Variants in KAT6A observed in about 807,000 individuals in gnomAD.
KAT6A encodes lysine acetyltransferase 6A.
KAT6A carries 9 observed loss-of-function variants against 198.4 expected under a neutral mutation model. That is an observed-to-expected ratio of 0.05 (90% CI 0.03 to 0.08). The LOEUF (loss-of-function observed/expected upper bound fraction) is 0.08, where lower values mean the gene tolerates loss of function less well. Ranked by LOEUF, KAT6A falls within the 10% of genes least tolerant of loss-of-function variation. KAT6A has a pLI of 1.00. For synonymous variants in KAT6A, 890 were observed against 883.0 expected, an observed-to-expected ratio of 1.01 and a Z score of -0.14; for missense variants, 2,077 against 2,509.9, an observed-to-expected ratio of 0.83 and a Z score of 3.69.
At chr8:42,041,697 C>T (rs1827677147) in intron 2 of KAT6A, among the ~76,000 whole-genome samples, 1 of 151,292 alleles carries the variant, frequency 6.6e-6, no homozygotes, top group South Asian at 2.1e-4. Flanking sequence ...GAAACTGGGC[C>T]ACCGCACTCC....
intron 2 of KAT6A, among the ~76,000 whole-genome samples, chr8:42,044,695 G>C (rs924953785): frequency 1.3e-5 from 2 of 152,124 alleles, no homozygotes; most frequent in Non-Finnish European, 2.9e-5. Flanking sequence ...CCTTACAGTT[G>C]GCCAGGTCAA....
intron 12 of KAT6A, 38 bp downstream of exon 12, chr8:41,946,553 A>G: frequency 9.8e-7 from 1 of 1,023,726 alleles, no homozygotes; most frequent in East Asian, 2.4e-5. Flanking sequence ...GAGAAGGTCC[A>G]CTGGAAAAGA....
chr8:41,971,721 T>C (rs1171154436), intron 8 of KAT6A, among the ~76,000 whole-genome samples: 1 of 151,766 alleles, frequency 6.6e-6, no homozygotes, highest in Admixed American at 6.6e-5. Context: ...GGCCGCTGTA[T>C]GAAGAAAATA....
intron 2 of KAT6A, among the ~76,000 whole-genome samples, chr8:42,000,887 A>G (rs1825464773): frequency 6.6e-6 from 1 of 152,234 alleles, no homozygotes; most frequent in Non-Finnish European, 1.5e-5. Context: ...GTAAAGTGAC[A>G]AAAGTGACAT....
chr8:42,004,135 A>G (rs997468570), intron 2 of KAT6A, among the ~76,000 whole-genome samples: 3 of 152,216 alleles, frequency 2.0e-5, no homozygotes, highest in African/African-American at 7.2e-5. Flanking sequence ...TGCTAGAGAA[A>G]CAAATATATA....
Position 42,050,603 on chromosome 8 carries a change from C to G in KAT6A, c.-326+1298G>C. On this transcript the variant is annotated intron_variant, in intron 1 of 16. Coordinates refer to ENST00000265713, the MANE Select transcript of KAT6A (RefSeq NM_006766.5). ...GAGCCAAGATTTGTTTTTAAATCAG[C>G]TGCCTAAAAAGAAGCCCCCTGGGAG... Among the ~76,000 whole-genome samples, 2 of 152,146 alleles carry G rather than the reference C, an allele frequency of 1.3e-5. 1 individual carries two copies. The highest frequency in any genetic ancestry group is 1.3e-4 in the Admixed American group (2 of 15,280).
chr8:42,050,128 T>C (rs896224062), intron 1 of KAT6A, among the ~76,000 whole-genome samples: 2 of 152,154 alleles, frequency 1.3e-5, no homozygotes, highest in Non-Finnish European at 2.9e-5. Context: ...ACATACTACA[T>C]ATCAAACGGA....
At chr8:42,047,903 G>A (rs968336745) in intron 2 of KAT6A, among the ~76,000 whole-genome samples, 1 of 151,962 alleles carries the variant, frequency 6.6e-6, no homozygotes. Flanking sequence ...TCTCATTTCT[G>A]TCTAACGAGT....
intron 5 of KAT6A, among the ~76,000 whole-genome samples, chr8:41,979,641 T>C (rs1824247918): frequency 6.6e-6 from 1 of 151,892 alleles, no homozygotes; most frequent in Non-Finnish European, 1.5e-5. Context: ...TTCACATAAA[T>C]GGAAAAAGTG....
chr8:42,024,059 C>T (rs924477693), intron 2 of KAT6A, among the ~76,000 whole-genome samples: 6 of 151,882 alleles, frequency 4.0e-5, no homozygotes, highest in African/African-American at 9.7e-5. Flanking sequence ...ACTGTTTTAC[C>T]GTAAACTCTT....
intron 2 of KAT6A, among the ~76,000 whole-genome samples, chr8:42,010,177 C>T (rs889776319): frequency 4.6e-5 from 7 of 152,044 alleles, no homozygotes; most frequent in East Asian, 3.9e-4. Flanking sequence ...TGGTCGCGCA[C>T]GCATGTAGTC....
intron 2 of KAT6A, among the ~76,000 whole-genome samples, chr8:41,992,766 C>G (rs949311912): frequency 7.9e-5 from 12 of 152,106 alleles, no homozygotes; most frequent in African/African-American, 2.9e-4. Context: ...AGAACAGTAT[C>G]GCAACTCAAA....
chr8:42,028,168 G>A (rs1412140323), intron 2 of KAT6A, among the ~76,000 whole-genome samples: 1 of 152,180 alleles, frequency 6.6e-6, no homozygotes, highest in African/African-American at 2.4e-5. Context: ...GTCTATCCTA[G>A]AGAATGATCC....
chr8:41,994,053 A>G (rs1825071736), intron 2 of KAT6A, among the ~76,000 whole-genome samples: 1 of 151,556 alleles, frequency 6.6e-6, no homozygotes, highest in African/African-American at 2.4e-5. Context: ...ACTGATAATC[A>G]GTGAAAAAAT....
At chr8:41,996,120 G>T (rs150776934) in intron 2 of KAT6A, among the ~76,000 whole-genome samples, 38 of 152,170 alleles carry the variant, frequency 2.5e-4, no homozygotes, top group African/African-American at 8.9e-4. Flanking sequence ...GAACAGTCAA[G>T]AACCTGTTTT....
chr8:42,003,157 T>C (rs1825575093), intron 2 of KAT6A, among the ~76,000 whole-genome samples: 1 of 152,200 alleles, frequency 6.6e-6, no homozygotes, highest in Non-Finnish European at 1.5e-5. Flanking sequence ...ACGGACTTGC[T>C]CCTTGCTATC....
chr8:42,013,072 T>G (rs1370339624), intron 2 of KAT6A, among the ~76,000 whole-genome samples: 1 of 147,240 alleles, frequency 6.8e-6, no homozygotes, highest in Non-Finnish European at 1.5e-5. Context: ...AAAGTCAAGT[T>G]TTTTTTTTTT....
At chr8:42,001,595 C>T (rs529319223) in intron 2 of KAT6A, among the ~76,000 whole-genome samples, 1 of 152,232 alleles carries the variant, frequency 6.6e-6, no homozygotes, top group East Asian at 1.9e-4. Flanking sequence ...TTTTAAAAGG[C>T]ATGGGGCTTA....
Position 42,017,560 on chromosome 8 carries a change from T to G in KAT6A, c.601-29997A>C, listed in dbSNP as rs575485763. Among the ~76,000 whole-genome samples, 4 of 152,190 alleles carry G rather than the reference T, an allele frequency of 2.6e-5. No individual in the cohort carries two copies. The South Asian group carries it at 8.3e-4, about 32-fold the overall frequency. On this transcript the variant is annotated intron_variant, in intron 2 of 16. Coordinates refer to ENST00000265713, the MANE Select transcript of KAT6A (RefSeq NM_006766.5). The stretch of plus-strand genomic sequence containing the variant: ...GTTTTTGTTTGTTGGGGTGGGGGGA[T>G]CTAAAGGAATGAATTTGCAGACAGA...
Sources: gnomAD v4.1 joint callset for allele counts (sites outside exome capture counted in the v4.1 genomes callset) on GRCh38, gnomAD v4.1.1 for gene constraint, MANE v1.5 for transcripts, NCBI Gene and HGNC (gene_info 2026-07-23, HGNC 2026-07-21) for gene names.